SLC25A30: variants seen among roughly 807,000 people sequenced by gnomAD.
SLC25A30 encodes the protein solute carrier family 25 member 30.
Under a neutral mutation model 42.7 loss-of-function variants are expected in SLC25A30, and 29 were observed. The ratio of observed to expected loss-of-function variants is 0.68; its 90% CI spans 0.51 to 0.93. The LOEUF is 0.93. Ranked by LOEUF, SLC25A30 falls within the 40% of genes least tolerant of loss-of-function variation. The pLI is 0.00. For missense variants in SLC25A30, 300 were observed against 359.7 expected (o/e 0.83, Z 1.34); for synonymous variants, 124 against 131.0 (o/e 0.95, Z 0.37).
chr13:45,425,013 A>AGTATACAT, the SLC25A30 span, among the ~76,000 whole-genome samples: 8,717 of 14,286 alleles, frequency 0.61, 2,836 homozygotes, highest in African/African-American at 0.68. Flanking sequence ...AATATATATA[A>AGTATACAT]ATATACATAT....
intron 8 of SLC25A30, chr13:45,398,215 C>A (rs1269025376): frequency 5.7e-6 from 1 of 175,600 alleles, no homozygotes; most frequent in African/African-American, 2.4e-5. Flanking sequence ...AACAGAAGAT[C>A]AAAAACCACA....
At chr13:45,402,059 C>CA (rs66565783) in intron 6 of SLC25A30, among the ~76,000 whole-genome samples, 23,839 of 83,226 alleles carry the variant, frequency 0.29, 4,118 homozygotes, top group Non-Finnish European at 0.4. Context: ...GACTCCATCT[C>CA]AAAAAAAAAA....
the SLC25A30 span, among the ~76,000 whole-genome samples, chr13:45,427,762 T>TCTTTTCTTTTC: frequency 6.6e-6 from 1 of 152,004 alleles, no homozygotes; most frequent in Non-Finnish European, 1.5e-5. Context: ...TCTTTTCTTT[T>TCTTTTCTTTTC]TGAGACAGAT....
intron 2 of SLC25A30, 70 bp downstream of exon 2, chr13:45,411,292 T>C: frequency 2.6e-6 from 3 of 1,142,470 alleles, no homozygotes; most frequent in Non-Finnish European, 4.0e-6. Flanking sequence ...CATTCTACAC[T>C]TGAACTACAT....
At chr13:45,424,427 ATATATATAT>A in the SLC25A30 span, among the ~76,000 whole-genome samples, 3 of 57,412 alleles carry the variant, frequency 5.2e-5, no homozygotes, top group Non-Finnish European at 9.2e-5. Context: ...AAATATATGA[ATATATATAT>A]AAATATATAA....
In SLC25A30 at chr13:45,411,418, G is replaced by A; in HGVS notation, c.8C>T (p.Ala3Val). 6.2e-7 allele frequency: 1 copy of A among 1,614,096 alleles called. No individual in the cohort carries two copies. Among genetic ancestry groups the A allele is most frequent in the South Asian group, 1.1e-5 (1 of 91,084 alleles). Reference protein sequence around the residue: MSALNWKPFVYGG... With the variant: MSVLNWKPFVYGG... ...GTACACAAACGGCTTCCAGTTGAGGGCTGACATTCTCACACTGTCTCTTCT... is the reference window on the plus strand; with the variant it reads ...GTACACAAACGGCTTCCAGTTGAGGACTGACATTCTCACACTGTCTCTTCT... The change falls in exon 2 of 10, where the codon GCC becomes GTC. Residue 3 changes from alanine to valine, a missense_variant. Transcript: ENST00000519676.
chr13:45,403,884 T>C (rs1882241290), intron 5 of SLC25A30, among the ~76,000 whole-genome samples: 1 of 150,558 alleles, frequency 6.6e-6, no homozygotes, highest in African/African-American at 2.5e-5. Flanking sequence ...TTGCAGTGAG[T>C]TGACATCGTG....
In SLC25A30 at chr13:45,393,560, A is replaced by C; in HGVS notation, c.*2414T>G. 3.0e-6 allele frequency: 3 copies of C among 985,440 alleles called. No individual in the cohort carries two copies. Among genetic ancestry groups the C allele is most frequent in the Non-Finnish European group, 3.6e-6 (3 of 829,922 alleles). 61.0% of individuals were successfully genotyped at this position (985,440 alleles called of 1,614,324 possible). A position where few individuals can be genotyped will look rare whatever the true frequency, so the allele number is the denominator to read the frequency against. ...CAAATCCATAAGCACACAAACAAAA[A>C]AACCCATTGGTTATAAAAACTAGAA... On this transcript the variant is annotated 3_prime_UTR_variant, in exon 10 of 10. Transcript: ENST00000519676.
At chr13:45,417,231 G>A (rs1024258027) in intron 1 of SLC25A30, among the ~76,000 whole-genome samples, 5 of 152,080 alleles carry the variant, frequency 3.3e-5, no homozygotes, top group Non-Finnish European at 7.4e-5. Context: ...GGCTGGTCTC[G>A]AACTCCTGAC....
At position 45,393,353 on chromosome 13, in the gene SLC25A30, A is replaced by G. The variant is rs937677183; in HGVS notation, c.*2621T>C. ...TATATTACTCCAGTTTATTAAATAAATGAAACAAGGCTTATGCCACATATT... is the reference window on the plus strand; with the variant it reads ...TATATTACTCCAGTTTATTAAATAAGTGAAACAAGGCTTATGCCACATATT... On this transcript the variant is annotated 3_prime_UTR_variant, in exon 10 of 10. Transcript: ENST00000519676. 1 of 973,902 alleles carries G rather than the reference A, an allele frequency of 1.0e-6. No individual in the cohort carries two copies. The highest frequency in any genetic ancestry group is 6.2e-5 in the Admixed American group (1 of 16,258). 60.3% of individuals were successfully genotyped at this position (973,902 alleles called of 1,614,324 possible).
chr13:45,423,389 T>A (rs1036793966), upstream of SLC25A30, among the ~76,000 whole-genome samples: 5 of 145,812 alleles, frequency 3.4e-5, no homozygotes, highest in African/African-American at 1.4e-4. Flanking sequence ...TTTACGTTAC[T>A]CTCTGCATTT....
At chr13:45,412,609 TA>T (rs1318124619) in intron 1 of SLC25A30, among the ~76,000 whole-genome samples, 1 of 152,122 alleles carries the variant, frequency 6.6e-6, no homozygotes, top group African/African-American at 2.4e-5. Context: ...CACAACCAAT[TA>T]GGGGGACATC....
chr13:45,415,751 CAA>C (rs367807886), intron 1 of SLC25A30, among the ~76,000 whole-genome samples: 6 of 86,098 alleles, frequency 7.0e-5, no homozygotes, highest in Non-Finnish European at 6.3e-5. Context: ...GACTCCATCA[CAA>C]AAAAAAAAAA....
At chr13:45,433,985 G>A in the SLC25A30 span, among the ~76,000 whole-genome samples, 2 of 152,114 alleles carry the variant, frequency 1.3e-5, no homozygotes, top group Admixed American at 6.5e-5. Flanking sequence ...CAGGCTGGGC[G>A]CAATGGTTCA....
chr13:45,429,086 T>G, the SLC25A30 span, among the ~76,000 whole-genome samples: 1 of 127,774 alleles, frequency 7.8e-6, no homozygotes, highest in East Asian at 2.2e-4. Context: ...TTTTTTTTTT[T>G]GAGATGGAGT....
chr13:45,433,453 C>T, the SLC25A30 span, among the ~76,000 whole-genome samples: 1 of 152,126 alleles, frequency 6.6e-6, no homozygotes, highest in African/African-American at 2.4e-5. Context: ...CACAGAATAA[C>T]CAAGGAGAGC....
intron 7 of SLC25A30, 46 bp from the exon 8 acceptor site, chr13:45,399,124 G>A (rs752421543): frequency 2.6e-6 from 4 of 1,544,552 alleles, no homozygotes; most frequent in African/African-American, 1.4e-5. Context: ...AACCATCACT[G>A]AGCTACAACC....
chr13:45,426,048 T>A, the SLC25A30 span, among the ~76,000 whole-genome samples: 2 of 147,950 alleles, frequency 1.4e-5, no homozygotes, highest in Non-Finnish European at 3.0e-5. Context: ...TATTTTTATA[T>A]ATACATTTTA....
At chr13:45,425,027 A>AATATATGTATATATACAT in the SLC25A30 span, among the ~76,000 whole-genome samples, 2 of 39,396 alleles carry the variant, frequency 5.1e-5, no homozygotes, top group African/African-American at 7.9e-5. Flanking sequence ...TACATATATA[A>AATATATGTATATATACAT]ATATATAAGT....
Sources: allele counts gnomAD v4.1 joint callset (sites outside exome capture counted in the v4.1 genomes callset), GRCh38; gene constraint gnomAD v4.1.1; transcripts MANE v1.5; gene names NCBI Gene and HGNC (gene_info 2026-07-23, HGNC 2026-07-21).